WDR7: variants seen among roughly 807,000 people sequenced by gnomAD.
WDR7 encodes the protein WD repeat domain 7, also known as WD repeat-containing protein 7.
Under a neutral mutation model 169.4 loss-of-function variants are expected in WDR7, and 46 were observed. The ratio of observed to expected loss-of-function variants is 0.27; its 90% CI spans 0.21 to 0.35. The LOEUF is 0.35. Among genes scored for constraint, WDR7 ranks in the 10% least tolerant of loss-of-function variants. The pLI, the probability that WDR7 is intolerant of heterozygous loss-of-function variation, is 1.00. For missense variants in WDR7, 1,534 were observed against 1,859.3 expected (o/e 0.83, Z 3.22); for synonymous variants, 612 against 666.8 (o/e 0.92, Z 1.27).
intron 20 of WDR7, among the ~76,000 whole-genome samples, chr18:56,870,107 G>T (rs1196393063): frequency 6.6e-6 from 1 of 152,120 alleles, no homozygotes. Flanking sequence ...TGACTTCAAA[G>T]ACTTGGGGTA....
At chr18:56,849,258 T>C (rs186873315) in intron 20 of WDR7, among the ~76,000 whole-genome samples, 3 of 152,320 alleles carry the variant, frequency 2.0e-5, no homozygotes, top group East Asian at 1.9e-4. Flanking sequence ...TTCTACTCTA[T>C]TTTGTGACTA....
intron 3 of WDR7, 76 bp downstream of exon 3, chr18:56,679,514 A>ATT (rs11452823): frequency 0.027 from 14,452 of 526,772 alleles, no homozygotes; most frequent in South Asian, 0.04. Flanking sequence ...GTAGCGAGGT[A>ATT]TTTTTTTTTT....
Position 56,880,155 on chromosome 18 carries a change from C to T in WDR7, c.3516C>T (p.Ala1172=). 6.2e-7 allele frequency: 1 copy of T among 1,613,560 alleles called. No homozygotes were observed. The highest frequency in any genetic ancestry group is 8.5e-7 in the Non-Finnish European group (1 of 1,179,800). The change falls in exon 21 of 28, where the codon GCC becomes GCT. Residue 1172 remains alanine, a synonymous_variant. Coordinates refer to ENST00000254442, the MANE Select transcript of WDR7 (RefSeq NM_015285.3). ...GTGGTGGATCCAACTACTCGCTGGC[C>T]AGACATACTTGTAAGTTTTAAAACT... The part of the protein sequence containing the change: ...LTSGGSNYSL[A]RHTCKALTFL...
At chr18:56,962,755 G>C (rs1029108547) in intron 26 of WDR7, among the ~76,000 whole-genome samples, 1 of 152,162 alleles carries the variant, frequency 6.6e-6, no homozygotes, top group African/African-American at 2.4e-5. Context: ...CCCAGAGTAA[G>C]GTGGCACTGC....
At chr18:56,672,134 A>T (rs1218873644) in intron 1 of WDR7, among the ~76,000 whole-genome samples, 1 of 152,226 alleles carries the variant, frequency 6.6e-6, no homozygotes, top group Non-Finnish European at 1.5e-5. Flanking sequence ...AAAATGAAAT[A>T]GTATACATAA....
chr18:56,791,416 C>A (rs532472104), intron 19 of WDR7, among the ~76,000 whole-genome samples: 94 of 152,174 alleles, frequency 6.2e-4, no homozygotes, highest in African/African-American at 2.2e-3. Flanking sequence ...TTTTATATAT[C>A]TTTATATCTT....
intron 21 of WDR7, among the ~76,000 whole-genome samples, chr18:56,893,252 T>C (rs1039188426): frequency 3.3e-5 from 5 of 152,048 alleles, no homozygotes; most frequent in African/African-American, 1.2e-4. Context: ...ACTTGGCCTG[T>C]AGTTTTCTGA....
chr18:56,921,346 T>C (rs2145635108), intron 21 of WDR7, among the ~76,000 whole-genome samples: 1 of 152,344 alleles, frequency 6.6e-6, no homozygotes, highest in South Asian at 2.1e-4. Context: ...GTAGCCCATT[T>C]TCCTCTCTCC....
At chr18:56,713,244 T>C (rs2026121964) in intron 12 of WDR7, among the ~76,000 whole-genome samples, 1 of 152,242 alleles carries the variant, frequency 6.6e-6, no homozygotes, top group Non-Finnish European at 1.5e-5. Context: ...CTGTCATTAA[T>C]AAGGAAACCT....
At chr18:56,867,358 A>G (rs1164122290) in intron 20 of WDR7, among the ~76,000 whole-genome samples, 1 of 152,214 alleles carries the variant, frequency 6.6e-6, no homozygotes, top group Non-Finnish European at 1.5e-5. Flanking sequence ...TAAAAATCTC[A>G]GAGCAGTTTA....
At chr18:56,955,625 C>T (rs1473325073) in intron 25 of WDR7, among the ~76,000 whole-genome samples, 1 of 151,838 alleles carries the variant, frequency 6.6e-6, no homozygotes, top group Non-Finnish European at 1.5e-5. Flanking sequence ...TATTTAATCT[C>T]TCTGTAGTAT....
intron 25 of WDR7, among the ~76,000 whole-genome samples, chr18:56,954,950 A>C (rs1312429818): frequency 6.6e-6 from 1 of 152,106 alleles, no homozygotes; most frequent in African/African-American, 2.4e-5. Context: ...TTTGCTTTTC[A>C]AGTGAAAAGC....
intron 21 of WDR7, among the ~76,000 whole-genome samples, chr18:56,907,385 C>T (rs2046493308): frequency 6.6e-6 from 1 of 152,018 alleles, no homozygotes; most frequent in East Asian, 1.9e-4. Context: ...TTATGGATGC[C>T]TTCTATTACC....
intron 19 of WDR7, among the ~76,000 whole-genome samples, chr18:56,815,475 G>A (rs1357770347): frequency 6.6e-6 from 1 of 152,180 alleles, no homozygotes; most frequent in Non-Finnish European, 1.5e-5. Flanking sequence ...TTGCCTGTCT[G>A]CTTTCAGTTA....
chr18:56,662,969 T>C (rs1053577435), intron 1 of WDR7, among the ~76,000 whole-genome samples: 3 of 152,194 alleles, frequency 2.0e-5, no homozygotes, highest in Non-Finnish European at 2.9e-5. Context: ...AGAATTTTAT[T>C]TTCCCACAGT....
intron 26 of WDR7, among the ~76,000 whole-genome samples, chr18:56,966,465 T>C (rs560821719): frequency 6.6e-6 from 1 of 152,226 alleles, no homozygotes; most frequent in East Asian, 1.9e-4. Flanking sequence ...ATAGATTTTC[T>C]CTTCCTTATG....
At chr18:56,946,528 G>T (rs2047105577) in intron 25 of WDR7, among the ~76,000 whole-genome samples, 1 of 152,142 alleles carries the variant, frequency 6.6e-6, no homozygotes, top group South Asian at 2.1e-4. Flanking sequence ...GCATTAAGCA[G>T]TTCAAAGCCA....
intron 19 of WDR7, among the ~76,000 whole-genome samples, chr18:56,813,637 A>G (rs369255847): frequency 1.3e-5 from 2 of 152,208 alleles, no homozygotes; most frequent in African/African-American, 2.4e-5. Context: ...GTCATGGTAT[A>G]TAATTCTTTT....
At chr18:56,747,626 G>A (rs2043725843) in intron 14 of WDR7, among the ~76,000 whole-genome samples, 1 of 152,100 alleles carries the variant, frequency 6.6e-6, no homozygotes, top group African/African-American at 2.4e-5. Flanking sequence ...AGAACCCCAA[G>A]AGCCAAACTG....
Sources: allele counts gnomAD v4.1 joint callset (sites outside exome capture counted in the v4.1 genomes callset), GRCh38; gene constraint gnomAD v4.1.1; transcripts MANE v1.5; gene names NCBI Gene and HGNC (gene_info 2026-07-23, HGNC 2026-07-21).